Variants in PRKAR1B observed in about 807,000 individuals in gnomAD.
PRKAR1B encodes the protein protein kinase cAMP-dependent type I regulatory subunit beta.
In PRKAR1B, 22 loss-of-function variants were observed where a neutral mutation model predicts 46.5. The ratio of observed to expected loss-of-function variants is 0.47; its 90% confidence interval spans 0.34 to 0.68. The LOEUF (loss-of-function observed/expected upper bound fraction) is 0.68. PRKAR1B is among the 30% of genes least tolerant of loss of function. PRKAR1B has a pLI of 0.01. For missense variants in PRKAR1B, 445 were observed against 535.6 expected, an observed-to-expected ratio of 0.83 and a Z score of 1.67; for synonymous variants, 259 against 217.7, an observed-to-expected ratio of 1.19 and a Z score of -1.67.
At position 570,615 on chromosome 7, in the gene PRKAR1B, G is replaced by A. The variant is rs544714312; in HGVS notation, c.891+8641C>T. ...GCTGTGGCCGGCCTGCTCCTGTCTGGTTTATTCGCCACGTGGCACGGCCCT... is the reference window on the plus strand; with the variant it reads ...GCTGTGGCCGGCCTGCTCCTGTCTGATTTATTCGCCACGTGGCACGGCCCT... On this transcript the variant is annotated intron_variant, in intron 9 of 10. Coordinates refer to ENST00000537384, the MANE Select transcript of PRKAR1B (RefSeq NM_001164760.2). Among the ~76,000 whole-genome samples the A allele has an allele frequency of 4.9e-4, 75 of 152,260 alleles. 1 individual carries two copies. The highest frequency in any genetic ancestry group is 3.1e-3 in the South Asian group (15 of 4,826).
At chr7:623,628 C>A (rs1046127768) in intron 4 of PRKAR1B, among the ~76,000 whole-genome samples, 1 of 152,208 alleles carries the variant, frequency 6.6e-6, no homozygotes, top group Non-Finnish European at 1.5e-5. Context: ...TGTTTCCTCT[C>A]GGTCATTTTC....
At chr7:561,075 C>T (rs567679341) in intron 9 of PRKAR1B, among the ~76,000 whole-genome samples, 8 of 152,104 alleles carry the variant, frequency 5.3e-5, no homozygotes, top group South Asian at 2.1e-4. Context: ...CAAACACCTG[C>T]GCACACACAC....
chr7:587,938 C>T (rs528342519), intron 7 of PRKAR1B, among the ~76,000 whole-genome samples: 9 of 152,352 alleles, frequency 5.9e-5, no homozygotes, highest in South Asian at 2.1e-4. Flanking sequence ...AGGAATGGCG[C>T]GCAAGTCCCC....
intron 4 of PRKAR1B, among the ~76,000 whole-genome samples, chr7:629,066 G>T (rs992285638): frequency 6.6e-6 from 1 of 152,228 alleles, no homozygotes; most frequent in African/African-American, 2.4e-5. Context: ...GACAGAGCCC[G>T]CTCCGTGCAG....
chr7:587,192 A>AG (rs1780652377), intron 7 of PRKAR1B, among the ~76,000 whole-genome samples: 1 of 152,206 alleles, frequency 6.6e-6, no homozygotes, highest in Non-Finnish European at 1.5e-5. Context: ...TGACACTCAG[A>AG]GGAGCCCCCC....
At chr7:564,137 C>T (rs1481485257) in intron 9 of PRKAR1B, among the ~76,000 whole-genome samples, 1 of 152,150 alleles carries the variant, frequency 6.6e-6, no homozygotes, top group Non-Finnish European at 1.5e-5. Context: ...GCAGCCACCA[C>T]CCATCATTCT....
At chr7:590,274 G>A (rs1161291693) in intron 7 of PRKAR1B, among the ~76,000 whole-genome samples, 1 of 152,266 alleles carries the variant, frequency 6.6e-6, no homozygotes, top group East Asian at 1.9e-4. Context: ...GCACAGCACG[G>A]CAGGACTCTG....
chr7:656,384 G>C (rs879809593), intron 4 of PRKAR1B, among the ~76,000 whole-genome samples: 18 of 152,178 alleles, frequency 1.2e-4, no homozygotes, highest in African/African-American at 4.1e-4. Flanking sequence ...TGACTGACTA[G>C]ATGAATAGAT....
intron 8 of PRKAR1B, among the ~76,000 whole-genome samples, chr7:580,685 TA>T (rs1780122829): frequency 6.7e-6 from 1 of 149,152 alleles, no homozygotes; most frequent in Non-Finnish European, 1.5e-5. Flanking sequence ...AAAAAAAATT[TA>T]CTAACGTCAG....
rs118096283 is a variant in PRKAR1B at position 691,803 on chromosome 7, C to T, written c.178-11077G>A. On this transcript the variant is annotated intron_variant, in intron 2 of 10. Transcript: ENST00000537384. ...GGCAATCACCTCCTGCGGAGGACGG[C>T]GCATCCCCTGAACTCCCTGCCAAGT... The T allele has an allele frequency of 1.9e-4, 221 of 1,187,768 alleles. 2 individuals are homozygous for T. The East Asian group carries it at 9.9e-3, about 53-fold the overall frequency. The allele number at this position is 1,187,768 out of a possible 1,614,324, so 73.6% of individuals were successfully genotyped here. A position where few individuals can be genotyped will look rare whatever the true frequency, so the allele number is the denominator to read the frequency against.
chr7:568,230 C>T (rs1050655696), intron 9 of PRKAR1B, among the ~76,000 whole-genome samples: 1 of 152,060 alleles, frequency 6.6e-6, no homozygotes, highest in African/African-American at 2.4e-5. Context: ...CCACACGTTT[C>T]CCACCCCTGT....
chr7:630,346 G>A (rs1004407328), intron 4 of PRKAR1B, among the ~76,000 whole-genome samples: 9 of 152,178 alleles, frequency 5.9e-5, no homozygotes, highest in Non-Finnish European at 1.0e-4. Context: ...AAAACTGGCC[G>A]GCCGGGAGCT....
At chr7:569,486 G>A (rs1392091828) in intron 9 of PRKAR1B, among the ~76,000 whole-genome samples, 3 of 152,248 alleles carry the variant, frequency 2.0e-5, no homozygotes, top group Non-Finnish European at 4.4e-5. Flanking sequence ...GGGCAGCCGT[G>A]ACGTGCCCGG....
Position 615,839 on chromosome 7 carries a change from A to AG in PRKAR1B, c.441-8388_441-8387insC, listed in dbSNP as rs545641384. On this transcript the variant is annotated intron_variant, in intron 4 of 10. Transcript: ENST00000537384. ...CAAGACTCCATCAAAAAAAAAAAAA[A>AG]AAAGAAAGCAAGAAAGGAAGGAAGA... Among the ~76,000 whole-genome samples the AG allele has an allele frequency of 3.2e-4, 49 of 151,250 alleles. 1 individual carries two copies. Among genetic ancestry groups the AG allele is most frequent in the South Asian group, 2.7e-3 (13 of 4,758 alleles).
Position 587,509 on chromosome 7 carries a change from C to G in PRKAR1B, c.709-2941G>C, listed in dbSNP as rs1037496862. ...CGCCTCCAGGGCCTGCGCCTACCCA[C>G]TGCCCCCTCTCCTATCTCTCAATGC... On this transcript the variant is annotated intron_variant, in intron 7 of 10. Coordinates refer to ENST00000537384, the MANE Select transcript of PRKAR1B (RefSeq NM_001164760.2). Among the ~76,000 whole-genome samples, 21 of 152,360 alleles carry G rather than the reference C, an allele frequency of 1.4e-4. No individual in the cohort carries two copies. In the South Asian group the frequency reaches 1.7e-3, roughly 12 times the overall value.
chr7:711,272 C>A, intron 2 of PRKAR1B, 57 bp downstream of exon 2: 1 of 1,592,364 alleles, frequency 6.3e-7, no homozygotes, highest in East Asian at 2.2e-5. Context: ...TCCCCGGCTG[C>A]CGCCTCTGCC....
intron 8 of PRKAR1B, among the ~76,000 whole-genome samples, chr7:581,325 A>AAAAG (rs1562535183): frequency 6.8e-6 from 1 of 146,054 alleles, no homozygotes; most frequent in African/African-American, 2.6e-5. Context: ...AAAAAAAAAA[A>AAAAG]GTCTGTACCA....
intron 4 of PRKAR1B, among the ~76,000 whole-genome samples, chr7:624,451 G>T (rs907512501): frequency 6.6e-6 from 1 of 152,030 alleles, no homozygotes; most frequent in Non-Finnish European, 1.5e-5. Flanking sequence ...AAAAAAAAGT[G>T]CATGCTCTTT....
chr7:632,081 G>T (rs540983968), intron 4 of PRKAR1B, among the ~76,000 whole-genome samples: 1 of 152,196 alleles, frequency 6.6e-6, no homozygotes, highest in Admixed American at 6.5e-5. Flanking sequence ...CCGAGCTCAC[G>T]TGTGAGCCAG....
Sources: gnomAD v4.1 joint callset for allele counts (sites outside exome capture counted in the v4.1 genomes callset) on GRCh38, gnomAD v4.1.1 for gene constraint, MANE v1.5 for transcripts, NCBI Gene and HGNC (gene_info 2026-07-23, HGNC 2026-07-21) for gene names.